F10: variants seen among roughly 807,000 people sequenced by gnomAD.
F10 encodes Stuart-Prower factor.
Under a neutral mutation model 37.1 loss-of-function variants are expected in F10, and 29 were observed. The observed-to-expected ratio is 0.78, with a 90% CI of 0.58 to 1.07. The LOEUF is 1.07. Among genes scored for constraint, F10 ranks in the 50% least tolerant of loss-of-function variants. The probability of loss-of-function intolerance (pLI) is 0.00; values close to 1 mark genes in which losing one functional copy is unlikely to be tolerated. For missense variants in F10, 539 were observed against 667.9 expected (o/e 0.81, Z 2.13); for synonymous variants, 262 against 268.6 (o/e 0.98, Z 0.24).
At chr13:113,123,251 A>G (rs1039743180) in intron 1 of F10, among the ~76,000 whole-genome samples, 1 of 152,150 alleles carries the variant, frequency 6.6e-6, no homozygotes, top group African/African-American at 2.4e-5. Context: ...AGAGGTAGAA[A>G]GACGGAGACA....
At chr13:113,140,795 C>T in intron 4 of F10, 124 bp from the exon 5 acceptor site, 1 of 1,445,312 alleles carries the variant, frequency 6.9e-7, no homozygotes, top group Non-Finnish European at 9.7e-7. Context: ...CTGGCTCTGG[C>T]CCTTTGCTCA....
Position 113,149,087 on chromosome 13 carries a change from G to A in F10, c.1037G>A (p.Arg346His), listed in dbSNP as rs781413602. 2.5e-5 allele frequency: 41 copies of A among 1,613,082 alleles called. No individual in the cohort carries two copies. Among genetic ancestry groups the A allele is most frequent in the Non-Finnish European group, 2.9e-5 (34 of 1,180,000 alleles). Residue 346 changes from arginine to histidine, a missense_variant, in exon 8 of 8, where the codon CGT becomes CAT. Arg to His is a conservative substitution (Grantham distance 29). This residue lies in a region of F10 where 409 missense variants were observed against 547.9 expected (regional missense o/e 0.75). Transcript: ENST00000375559. This position sits in a 1 kb window ranked among gnomAD's most constrained non-coding sequence, Gnocchi z 7.5. Reference protein sequence around the residue: ...MNVAPACLPERDWAESTLMTQ... With the variant: ...MNVAPACLPEHDWAESTLMTQ... ...GTGGCGCCTGCCTGCCTCCCCGAGC[G>A]TGACTGGGCCGAGTCCACGCTGATG...
intron 2 of F10, among the ~76,000 whole-genome samples, chr13:113,132,462 C>T (rs933616611): frequency 6.6e-6 from 1 of 152,164 alleles, no homozygotes; most frequent in Non-Finnish European, 1.5e-5. Flanking sequence ...CATATGCATG[C>T]ATTTCTTCTA....
In F10 at chr13:113,144,315, G is replaced by A. The variant is rs1194003821; in HGVS notation, c.747+220G>A. 1.5e-6 allele frequency: 1 copy of A among 666,008 alleles called. No homozygotes were observed. Among genetic ancestry groups the A allele is most frequent in the Non-Finnish European group, 2.5e-6 (1 of 395,874 alleles). 41.3% of individuals were successfully genotyped at this position (666,008 alleles called of 1,614,324 possible). The stretch of plus-strand genomic sequence containing the variant: ...GGGAAGTGGCCGGGGCTGAGGGAGA[G>A]GCTGGGCCCAGGCAACGCCCCCCTC... On this transcript the variant is annotated intron_variant, in intron 6 of 7. Transcript: ENST00000375559. This position sits in a 1 kb window ranked among gnomAD's most constrained non-coding sequence, Gnocchi z 6.4.
chr13:113,129,561 G>C lies in F10; in HGVS notation c.180G>C (p.Glu60Asp). The change falls in exon 2 of 8, where the codon GAG (glutamate) becomes GAC (aspartate). Residue 60 changes from glutamate to aspartate, a missense_variant. Glu to Asp is a conservative substitution (Grantham distance 45). This residue lies in a region of F10 where 130 missense variants were observed against 120.0 expected (regional missense o/e 1.08). Transcript: ENST00000375559. ...KGHLERECME[E>D]TCSYEEAREV... is the part of the protein sequence containing the mutation. Reference sequence around the variant, plus strand: ...ACCTCGAAAGAGAGTGCATGGAAGAGACCTGCTCATACGAAGAGGCCCGCG... The same window carrying C: ...ACCTCGAAAGAGAGTGCATGGAAGACACCTGCTCATACGAAGAGGCCCGCG... 2.5e-6 allele frequency: 4 copies of C among 1,614,240 alleles called. No individual in the cohort carries two copies. Among genetic ancestry groups the C allele is most frequent in the Non-Finnish European group, 3.4e-6 (4 of 1,180,048 alleles).
intron 1 of F10, chr13:113,128,510 G>C (rs576899855): frequency 3.9e-5 from 6 of 152,300 alleles, no homozygotes; most frequent in African/African-American, 1.4e-4. Context: ...AGACTCATAG[G>C]TGGCCACCCT....
chr13:113,140,783 G>T (rs753130251), intron 4 of F10, 136 bp from the exon 5 acceptor site: 1 of 1,327,042 alleles, frequency 7.5e-7, no homozygotes, highest in Non-Finnish European at 1.1e-6. Flanking sequence ...TGTACCTGTC[G>T]CCTGGCTCTG....
chr13:113,139,348 T>C lies in F10; in HGVS notation c.257-9T>C, dbSNP rs762300533. ...TGCAGACTCCAGTTTCGAAATCCTC[T>C]CTTTGCAGATGGCGACCAGTGTGAG... is the stretch of plus-strand genomic sequence containing the variant. On this transcript the variant is annotated splice_polypyrimidine_tract_variant and intron_variant, in intron 3 of 7. Coordinates refer to ENST00000375559, the MANE Select transcript of F10 (RefSeq NM_000504.4). The surrounding 1 kb of genome is among the most constrained non-coding windows in gnomAD (Gnocchi z 5.2). 2 of 1,613,074 alleles carry C rather than the reference T, an allele frequency of 1.2e-6. No homozygotes were observed. Among genetic ancestry groups the C allele is most frequent in the Admixed American group, 3.3e-5 (2 of 60,002 alleles).
Position 113,143,796 on chromosome 13 carries a change from G to T in F10, c.503-55G>T. The T allele has an allele frequency of 5.6e-6, 9 of 1,603,902 alleles. No homozygotes were observed. The highest frequency in any genetic ancestry group is 7.6e-6 in the Non-Finnish European group (9 of 1,179,714). ...CTTCTCCCTCAGGGTGAGCTGTGCA[G>T]GCTATGGGGAGCCTCTCTCTGTGCT... On this transcript the variant is annotated intron_variant, in intron 5 of 7. Transcript: ENST00000375559. The surrounding 1 kb of genome is among the most constrained non-coding windows in gnomAD (Gnocchi z 6.8).
In F10 at chr13:113,143,701, G is replaced by GC; in HGVS notation, c.503-150_503-149insC. The GC allele has an allele frequency of 8.6e-7, 1 of 1,157,490 alleles. No individual in the cohort carries two copies. Among genetic ancestry groups the GC allele is most frequent in the South Asian group, 1.7e-5 (1 of 58,914 alleles). 71.7% of individuals were successfully genotyped at this position (1,157,490 alleles called of 1,614,324 possible). On this transcript the variant is annotated intron_variant, in intron 5 of 7. Coordinates refer to ENST00000375559, the MANE Select transcript of F10 (RefSeq NM_000504.4). This position sits in a 1 kb window ranked among gnomAD's most constrained non-coding sequence, Gnocchi z 6.8. ...TGCAGATCCGACCCCTGCCGACGAC[G>GC]TGGGGCCTCGCCCTGCAAGCCCGCT...
At chr13:113,127,705 A>T (rs1234239137) in intron 1 of F10, among the ~76,000 whole-genome samples, 2 of 152,250 alleles carry the variant, frequency 1.3e-5, no homozygotes, top group Non-Finnish European at 2.9e-5. Flanking sequence ...ACTGTATTTT[A>T]GGAAATACTA....
chr13:113,134,527 G>A (rs912563240), intron 2 of F10, among the ~76,000 whole-genome samples: 5 of 152,108 alleles, frequency 3.3e-5, no homozygotes, highest in Non-Finnish European at 7.4e-5. Flanking sequence ...ATACTCCCAC[G>A]AGAACAGCAT....
In F10 at chr13:113,147,496, G is replaced by C. The variant is rs121964946; in HGVS notation, c.865G>C (p.Gly289Arg). 1 of 1,601,924 alleles carries C rather than the reference G, an allele frequency of 6.2e-7. No homozygotes were observed. Among genetic ancestry groups the C allele is most frequent in the East Asian group, 2.2e-5 (1 of 44,832 alleles). ...AGCCAAGAGATTCAAGGTGAGGGTAGGTAAGTGACCAACAGCCCCCAGGGC... is the reference window on the plus strand; with the variant it reads ...AGCCAAGAGATTCAAGGTGAGGGTACGTAAGTGACCAACAGCCCCCAGGGC... ...YQAKRFKVRV[G>R]DRNTEQEEGG... The change falls in exon 7 of 8, where the codon GGG becomes CGG. Residue 289 changes from glycine to arginine, a missense_variant and splice_region_variant. This residue lies in a region of F10 where 409 missense variants were observed against 547.9 expected (regional missense o/e 0.75). Transcript: ENST00000375559.
rs770119164 is a variant in F10, at chr13:113,149,029, C to T, written c.979C>T (p.Arg327Trp). 3.6e-5 allele frequency: 58 copies of T among 1,613,342 alleles called. No individual in the cohort carries two copies. The highest frequency in any genetic ancestry group is 4.5e-5 in the Non-Finnish European group (53 of 1,180,030). The part of the protein sequence containing the change: ...ETYDFDIAVL[R>W]LKTPITFRMN... Reference sequence around the variant, plus strand: ...CTATGACTTCGACATCGCCGTGCTCCGGCTCAAGACCCCCATCACCTTCCG... The same window carrying T: ...CTATGACTTCGACATCGCCGTGCTCTGGCTCAAGACCCCCATCACCTTCCG... Residue 327 changes from arginine to tryptophan, a missense_variant, in exon 8 of 8, where the codon CGG becomes TGG. By Grantham distance (101) the Arg-to-Trp change is moderately radical. Transcript: ENST00000375559. The surrounding 1 kb of genome is among the most constrained non-coding windows in gnomAD (Gnocchi z 7.5).
chr13:113,129,346 T>C (rs1020390498), intron 1 of F10, 106 bp from the exon 2 acceptor site: 2 of 1,436,520 alleles, frequency 1.4e-6, no homozygotes, highest in Non-Finnish European at 1.9e-6. Flanking sequence ...GATCCGCCTT[T>C]TGTGATCTGG....
intron 2 of F10, among the ~76,000 whole-genome samples, chr13:113,134,962 C>T (rs1448987226): frequency 1.3e-5 from 2 of 152,080 alleles, no homozygotes; most frequent in African/African-American, 2.4e-5. Context: ...AATTTTCGGC[C>T]GGGCGCGGTG....
intron 1 of F10, among the ~76,000 whole-genome samples, chr13:113,126,710 A>T (rs2036374105): frequency 6.6e-6 from 1 of 152,216 alleles, no homozygotes; most frequent in African/African-American, 2.4e-5. Context: ...CACCGAGGGC[A>T]AGGCAGAACG....
chr13:113,137,515 G>C (rs990247665), intron 2 of F10, among the ~76,000 whole-genome samples: 2 of 152,162 alleles, frequency 1.3e-5, no homozygotes, highest in African/African-American at 4.8e-5. Context: ...AAAAAAGTAA[G>C]AAGATAGTGT....
At chr13:113,125,424 AAAC>A (rs1181853118) in intron 1 of F10, among the ~76,000 whole-genome samples, 1 of 152,232 alleles carries the variant, frequency 6.6e-6, no homozygotes, top group Non-Finnish European at 1.5e-5. Context: ...GATGTTGCCA[AAAC>A]AACAAACACA....
Sources: allele counts gnomAD v4.1 joint callset (sites outside exome capture counted in the v4.1 genomes callset), GRCh38; gene constraint gnomAD v4.1.1; regional missense constraint gnomAD v4.1.1; non-coding constraint Gnocchi (gnomAD v3.1); transcripts MANE v1.5; gene names NCBI Gene and HGNC (gene_info 2026-07-23, HGNC 2026-07-21).